Variants in UNC5D observed in about 807,000 individuals in gnomAD.
UNC5D encodes the protein unc-5 netrin receptor D, also known as netrin receptor UNC5D.
A neutral mutation model predicts 105.4 loss-of-function variants in UNC5D; 39 were observed. That is an observed-to-expected ratio of 0.37 (90% confidence interval 0.29 to 0.48). UNC5D has a LOEUF of 0.48. Ranked by LOEUF, UNC5D falls within the 20% of genes least tolerant of loss-of-function variation. The pLI is 0.98. For synonymous variants in UNC5D, 452 were observed against 450.4 expected (o/e 1.00, Z -0.04); for missense variants, 991 against 1,202.4 (o/e 0.82, Z 2.60).
At chr8:35,613,622 G>A (rs1820835816) in intron 4 of UNC5D, among the ~76,000 whole-genome samples, 1 of 152,108 alleles carries the variant, frequency 6.6e-6, no homozygotes, top group Non-Finnish European at 1.5e-5. Flanking sequence ...CTTTGGGTGG[G>A]TGGGTCACTT....
chr8:35,754,807 A>C (rs1182189092), intron 13 of UNC5D, among the ~76,000 whole-genome samples: 3 of 152,194 alleles, frequency 2.0e-5, no homozygotes, highest in Non-Finnish European at 4.4e-5. Context: ...CTTGACAAAA[A>C]CAAAATACTT....
At chr8:35,604,243 T>C (rs1445261674) in intron 4 of UNC5D, among the ~76,000 whole-genome samples, 1 of 152,174 alleles carries the variant, frequency 6.6e-6, no homozygotes, top group African/African-American at 2.4e-5. Flanking sequence ...GGTCTGGTGG[T>C]GACAAAATCT....
At chr8:35,701,128 T>G (rs6998842) in intron 7 of UNC5D, among the ~76,000 whole-genome samples, 10,692 of 152,170 alleles carry the variant, frequency 0.07, 1,025 homozygotes, top group African/African-American at 0.22. Context: ...TGGTAAACAT[T>G]GACTGTAATG....
chr8:35,651,566 A>T (rs761331823), intron 4 of UNC5D, among the ~76,000 whole-genome samples: 3 of 152,228 alleles, frequency 2.0e-5, no homozygotes, highest in Non-Finnish European at 4.4e-5. Context: ...AAGAAAATTC[A>T]CAAAACAGTT....
intron 3 of UNC5D, among the ~76,000 whole-genome samples, chr8:35,592,305 C>T (rs1819221657): frequency 6.6e-6 from 1 of 152,090 alleles, no homozygotes; most frequent in Admixed American, 6.5e-5. Flanking sequence ...ATGCCTCTTG[C>T]TTCATGTCTT....
chr8:35,432,340 T>C (rs1451994673), intron 1 of UNC5D, among the ~76,000 whole-genome samples: 1 of 152,188 alleles, frequency 6.6e-6, no homozygotes, highest in Non-Finnish European at 1.5e-5. Context: ...GACAACATTA[T>C]TATGACATAG....
At position 35,734,782 on chromosome 8, in the gene UNC5D, A is replaced by ATTTTTTTTT. The variant is rs1171276656; in HGVS notation, c.1766+3696_1766+3704dup. 7.9e-3 allele frequency among the ~76,000 whole-genome samples: 1,003 copies of ATTTTTTTTT among 126,554 alleles called. 20 individuals carry two copies. The highest frequency in any genetic ancestry group is 0.023 in the South Asian group (92 of 3,942). The allele number at this position is 126,554 out of a possible 152,430, so 83.0% of individuals were successfully genotyped here. On this transcript the variant is annotated intron_variant, in intron 11 of 16. Coordinates refer to ENST00000404895, the MANE Select transcript of UNC5D (RefSeq NM_080872.4). ...GGAAATTTTATTCTACACACTTTAA[A>ATTTTTTTTT]TTTTTTTTTTTTTTTTTTGAGACGG...
chr8:35,376,994 A>G (rs995853926), intron 1 of UNC5D, among the ~76,000 whole-genome samples: 1 of 152,098 alleles, frequency 6.6e-6, no homozygotes, highest in Admixed American at 6.5e-5. Context: ...TTGATTTGTT[A>G]TTGATTGACT....
chr8:35,409,558 C>G (rs1183369276), intron 1 of UNC5D, among the ~76,000 whole-genome samples: 4 of 151,884 alleles, frequency 2.6e-5, no homozygotes, highest in Admixed American at 2.0e-4. Flanking sequence ...GGATATGTGT[C>G]TTTTTAAATC....
chr8:35,393,246 G>A (rs1346296738), intron 1 of UNC5D, among the ~76,000 whole-genome samples: 1 of 143,232 alleles, frequency 7.0e-6, no homozygotes, highest in African/African-American at 2.6e-5. Flanking sequence ...CCATTCTCCT[G>A]CCTCAGCCTC....
intron 1 of UNC5D, among the ~76,000 whole-genome samples, chr8:35,438,959 G>A (rs1022998712): frequency 6.6e-6 from 1 of 151,996 alleles, no homozygotes; most frequent in Non-Finnish European, 1.5e-5. Flanking sequence ...AAGGACCCCT[G>A]TTCTGGGAGA....
chr8:35,235,970 T>A, intron 1 of UNC5D, 83 bp downstream of exon 1: 1 of 1,165,612 alleles, frequency 8.6e-7, no homozygotes, highest in Non-Finnish European at 1.1e-6. Context: ...CCGATGGCGT[T>A]GGCTTCCCAA....
chr8:35,506,149 G>T (rs772407358), intron 1 of UNC5D, among the ~76,000 whole-genome samples: 1 of 152,096 alleles, frequency 6.6e-6, no homozygotes, highest in Non-Finnish European at 1.5e-5. Context: ...AGAAACCCAG[G>T]TACTTTTGAT....
At chr8:35,714,501 A>C (rs1828138964) in intron 8 of UNC5D, among the ~76,000 whole-genome samples, 1 of 152,192 alleles carries the variant, frequency 6.6e-6, no homozygotes, top group Non-Finnish European at 1.5e-5. Context: ...AGATGAGAAC[A>C]GAGAGAGGAA....
chr8:35,667,355 G>T (rs1024868931), intron 4 of UNC5D, among the ~76,000 whole-genome samples: 5 of 152,150 alleles, frequency 3.3e-5, no homozygotes, highest in Non-Finnish European at 7.4e-5. Context: ...GGCTGATGGC[G>T]TGGCCATTTT....
intron 1 of UNC5D, among the ~76,000 whole-genome samples, chr8:35,456,435 A>T (rs1234403560): frequency 6.6e-6 from 1 of 152,202 alleles, no homozygotes; most frequent in Non-Finnish European, 1.5e-5. Flanking sequence ...TGAAGGTCAC[A>T]ACAAGCCCCA....
chr8:35,434,518 A>T (rs1158228612), intron 1 of UNC5D, among the ~76,000 whole-genome samples: 1 of 152,056 alleles, frequency 6.6e-6, no homozygotes, highest in African/African-American at 2.4e-5. Flanking sequence ...TTTACACACT[A>T]TTGGCTTTTT....
chr8:35,509,106 G>A lies in UNC5D; in HGVS notation c.104-40186G>A, dbSNP rs140843381. 1.6e-3 allele frequency among the ~76,000 whole-genome samples: 248 copies of A among 152,144 alleles called. 1 individual carries two copies. Among genetic ancestry groups the A allele is most frequent in the Admixed American group, 3.5e-3 (54 of 15,294 alleles). ...GCTAAGGAACTTTAATTGTGTGCCC[G>A]GGGGGCCAAGTGTTCCCTTTCCCCA... is the stretch of plus-strand genomic sequence containing the variant. On this transcript the variant is annotated intron_variant, in intron 1 of 16. Transcript: ENST00000404895.
intron 4 of UNC5D, among the ~76,000 whole-genome samples, chr8:35,677,944 G>A (rs13252744): frequency 6.6e-6 from 1 of 151,416 alleles, no homozygotes; most frequent in African/African-American, 2.4e-5. Context: ...ATATATGTGT[G>A]TATGTGTATA....
Sources: allele counts gnomAD v4.1 joint callset (sites outside exome capture counted in the v4.1 genomes callset), GRCh38; gene constraint gnomAD v4.1.1; transcripts MANE v1.5; gene names NCBI Gene and HGNC (gene_info 2026-07-23, HGNC 2026-07-21).